EXT1: variants seen among roughly 807,000 people sequenced by gnomAD.
EXT1 encodes exostosin glycosyltransferase 1.
In EXT1, 20 loss-of-function variants were observed where a neutral mutation model predicts 82.5. The observed-to-expected ratio is 0.24, with a 90% confidence interval of 0.17 to 0.35. The LOEUF is 0.35. EXT1 is among the 10% of genes least tolerant of loss of function. The probability of loss-of-function intolerance (pLI) is 1.00; values close to 1 mark genes in which losing one functional copy is unlikely to be tolerated. For synonymous variants in EXT1, 348 were observed against 350.8 expected (o/e 0.99, Z 0.09); for missense variants, 757 against 936.5 (o/e 0.81, Z 2.50).
intron 1 of EXT1, among the ~76,000 whole-genome samples, chr8:118,065,397 G>A (rs1170025551): frequency 6.6e-6 from 1 of 152,138 alleles, no homozygotes; most frequent in Non-Finnish European, 1.5e-5. Flanking sequence ...TACAAGGAAA[G>A]ATCAGGTGAG....
rs61249983 is a variant in EXT1, at chr8:117,874,575, C to CAAAAAAAAAAAAAA, written c.963-37388_963-37375dup. ...TAGGCAACAAAGTGAGACTCTGCCT[C>CAAAAAAAAAAAAAA]AAAAAAAAAAAAAAAAAAGAACAAT... On this transcript the variant is annotated intron_variant, in intron 1 of 10. Transcript: ENST00000378204. 2.7e-3 allele frequency among the ~76,000 whole-genome samples: 191 copies of CAAAAAAAAAAAAAA among 69,680 alleles called. 7 individuals carry two copies. Among genetic ancestry groups the CAAAAAAAAAAAAAA allele is most frequent in the African/African-American group, 7.0e-3 (132 of 18,958 alleles). The allele number at this position is 69,680 out of a possible 152,430, so 45.7% of individuals were successfully genotyped here.
chr8:117,968,545 A>ATTTTTTTT (rs1814870229), intron 1 of EXT1, among the ~76,000 whole-genome samples: 2 of 73,054 alleles, frequency 2.7e-5, no homozygotes, highest in Non-Finnish European at 4.6e-5. Context: ...TTATTTATTT[A>ATTTTTTTT]TTTATTTATT....
chr8:117,914,040 TTC>T (rs1813700789), intron 1 of EXT1, among the ~76,000 whole-genome samples: 1 of 152,148 alleles, frequency 6.6e-6, no homozygotes, highest in Non-Finnish European at 1.5e-5. Flanking sequence ...CCTACTTAAC[TTC>T]TAAGGGTAGG....
At chr8:117,814,101 G>GAGA (rs892918749) in intron 7 of EXT1, among the ~76,000 whole-genome samples, 1 of 151,338 alleles carries the variant, frequency 6.6e-6, no homozygotes, top group Non-Finnish European at 1.5e-5. Flanking sequence ...GAAGGAGAAG[G>GAGA]AGAAGAAGAA....
In EXT1 at chr8:117,830,303, A is replaced by T. The variant is rs2129772283; in HGVS notation, c.1211T>A (p.Leu404His). ...RSIHQDKILA[L>H]RQQTQFLWEA... is the part of the protein sequence containing the mutation. Reference sequence around the variant, plus strand: ...CCACAAGAATTGTGTCTGCTGTCTAAGTGCTAGGATTTTATCCTGATGAAT... The same window carrying T: ...CCACAAGAATTGTGTCTGCTGTCTATGTGCTAGGATTTTATCCTGATGAAT... The change falls in exon 4 of 11, where the codon CTT becomes CAT. Residue 404 changes from leucine (L) to histidine (H), a missense_variant. This residue lies in a region of EXT1 where 207 missense variants were observed against 224.2 expected (regional missense o/e 0.92). Transcript: ENST00000378204. 6.2e-7 allele frequency: 1 copy of T among 1,614,056 alleles called. No individual in the cohort carries two copies. The highest frequency in any genetic ancestry group is 2.2e-5 in the East Asian group (1 of 44,860).
chr8:117,805,401 T>C (rs546925758), intron 9 of EXT1, among the ~76,000 whole-genome samples: 1 of 152,342 alleles, frequency 6.6e-6, no homozygotes, highest in East Asian at 1.9e-4. Context: ...ATTTGTGCCC[T>C]ATAAACCATA....
intron 1 of EXT1, among the ~76,000 whole-genome samples, chr8:118,092,486 G>A (rs893770710): frequency 2.0e-5 from 3 of 152,148 alleles, no homozygotes; most frequent in African/African-American, 7.2e-5. Flanking sequence ...ATAATGCAAG[G>A]TAGAATGAGT....
intron 1 of EXT1, among the ~76,000 whole-genome samples, chr8:117,861,488 CTTTTTTTTTTT>C (rs755653091): frequency 8.1e-5 from 7 of 86,824 alleles, no homozygotes; most frequent in South Asian, 9.9e-4. Context: ...AAGTTTTTAT[CTTTTTTTTTTT>C]TTTTTTTTTT....
intron 1 of EXT1, among the ~76,000 whole-genome samples, chr8:118,073,410 C>T (rs1339489700): frequency 6.6e-6 from 1 of 152,082 alleles, no homozygotes; most frequent in Non-Finnish European, 1.5e-5. Context: ...CACTTGAGGC[C>T]AGGAGTTCAA....
intron 1 of EXT1, among the ~76,000 whole-genome samples, chr8:118,015,915 G>C (rs1363876348): frequency 2.0e-5 from 3 of 152,208 alleles, no homozygotes; most frequent in Non-Finnish European, 2.9e-5. Flanking sequence ...AGATGGCCAA[G>C]TGAAGGTGGC....
At chr8:117,931,521 G>A (rs1204354449) in intron 1 of EXT1, among the ~76,000 whole-genome samples, 1 of 151,618 alleles carries the variant, frequency 6.6e-6, no homozygotes, top group Non-Finnish European at 1.5e-5. Context: ...GGAAAAGGGG[G>A]AGGTGGGAAT....
At chr8:118,109,182 C>G (rs901373588) in intron 1 of EXT1, among the ~76,000 whole-genome samples, 1 of 152,016 alleles carries the variant, frequency 6.6e-6, no homozygotes, top group African/African-American at 2.4e-5. Flanking sequence ...TACAAAGTAA[C>G]CAATTCAGTT....
chr8:118,078,108 T>G (rs17431748), intron 1 of EXT1, among the ~76,000 whole-genome samples: 24,593 of 152,228 alleles, frequency 0.16, 3,550 homozygotes, highest in African/African-American at 0.39. Flanking sequence ...TGAATCTACA[T>G]ATTCCTTTTC....
intron 1 of EXT1, among the ~76,000 whole-genome samples, chr8:117,888,979 G>T (rs1391331884): frequency 5.3e-5 from 8 of 152,162 alleles, no homozygotes; most frequent in Non-Finnish European, 1.0e-4. Context: ...GGTCAACCAA[G>T]CACATTCCAA....
chr8:117,844,453 TA>T (rs759002876), intron 1 of EXT1, among the ~76,000 whole-genome samples: 3 of 152,148 alleles, frequency 2.0e-5, no homozygotes, highest in Non-Finnish European at 4.4e-5. Context: ...ATACCTGGCC[TA>T]AAATTTCAGT....
intron 1 of EXT1, among the ~76,000 whole-genome samples, chr8:117,868,238 A>T (rs1812808324): frequency 6.6e-6 from 1 of 152,164 alleles, no homozygotes; most frequent in African/African-American, 2.4e-5. Flanking sequence ...GATAATTGCT[A>T]TCCTCCTTTC....
intron 1 of EXT1, among the ~76,000 whole-genome samples, chr8:118,058,785 AATAGAT>A (rs1404542122): frequency 1.3e-5 from 2 of 152,260 alleles, no homozygotes; most frequent in Non-Finnish European, 1.5e-5. Context: ...GAAAAATATT[AATAGAT>A]ATAGATATAC....
intron 1 of EXT1, among the ~76,000 whole-genome samples, chr8:117,887,170 G>C (rs1196296049): frequency 2.0e-5 from 3 of 152,038 alleles, no homozygotes; most frequent in Non-Finnish European, 2.9e-5. Context: ...TTATGTTCTA[G>C]ACCATACCTT....
intron 1 of EXT1, among the ~76,000 whole-genome samples, chr8:118,042,100 C>A (rs1430544799): frequency 6.6e-6 from 1 of 152,084 alleles, no homozygotes; most frequent in East Asian, 1.9e-4. Context: ...TCTGGTGTCT[C>A]CCCTGTTAAA....
Sources: allele counts gnomAD v4.1 joint callset (sites outside exome capture counted in the v4.1 genomes callset), GRCh38; gene constraint gnomAD v4.1.1; regional missense constraint gnomAD v4.1.1; transcripts MANE v1.5; gene names NCBI Gene and HGNC (gene_info 2026-07-23, HGNC 2026-07-21).